Variants in ARHGAP26 observed in about 807,000 individuals in gnomAD.
ARHGAP26 encodes the protein rho GTPase-activating protein 26.
In ARHGAP26, 38 loss-of-function variants were observed where a neutral mutation model predicts 104.8. The observed-to-expected ratio is 0.36, with a 90% CI of 0.28 to 0.48. ARHGAP26 has a LOEUF of 0.48. ARHGAP26 is among the 20% of genes least tolerant of loss of function. The pLI is 0.99. For missense variants in ARHGAP26, 704 were observed against 947.9 expected (o/e 0.74, Z 3.38); for synonymous variants, 341 against 340.0 (o/e 1.00, Z -0.03).
rs1811587725 is a variant in ARHGAP26, at chr5:143,225,485, G to A, written c.*3039G>A. 3 of 202,628 alleles carry A rather than the reference G, an allele frequency of 1.5e-5. No homozygotes were observed. Among genetic ancestry groups the A allele is most frequent in the South Asian group, 1.9e-4 (1 of 5,256 alleles). 12.6% of individuals were successfully genotyped at this position (202,628 alleles called of 1,614,324 possible). A position where few individuals can be genotyped will look rare whatever the true frequency, so the allele number is the denominator to read the frequency against. On this transcript the variant is annotated 3_prime_UTR_variant, in exon 23 of 23. Coordinates refer to ENST00000645722, the MANE Select transcript of ARHGAP26 (RefSeq NM_001135608.3). The stretch of plus-strand genomic sequence containing the variant: ...ATTCCAGGTGTGAGCCGCTGCGGCC[G>A]ACCACATTTGATGTTTGAAGTTGTA...
chr5:142,906,837 A>G (rs1761168559), intron 8 of ARHGAP26, among the ~76,000 whole-genome samples: 1 of 152,228 alleles, frequency 6.6e-6, no homozygotes, highest in Non-Finnish European at 1.5e-5. Flanking sequence ...ACCATTGATA[A>G]TTATTAAACG....
At chr5:143,121,219 GTTGGCTCAGA>G in intron 18 of ARHGAP26, 72 bp downstream of exon 18, 1 of 1,513,384 alleles carries the variant, frequency 6.6e-7, no homozygotes, top group African/African-American at 1.4e-5. Flanking sequence ...GACCTTCAGA[GTTGGCTCAGA>G]TTTGCATTGC....
chr5:143,103,057 T>C (rs559403911), intron 17 of ARHGAP26: 57 of 165,094 alleles, frequency 3.5e-4, no homozygotes, highest in African/African-American at 1.1e-3. Context: ...GTGAAAGATA[T>C]ATGGATTATA....
intron 11 of ARHGAP26, among the ~76,000 whole-genome samples, chr5:143,004,067 A>AGGT (rs370387981): frequency 6.6e-6 from 1 of 151,906 alleles, no homozygotes; most frequent in African/African-American, 2.4e-5. Context: ...ATCAGAAGTA[A>AGGT]GGTACAAAAA....
intron 20 of ARHGAP26, among the ~76,000 whole-genome samples, chr5:143,187,710 T>G (rs1050962128): frequency 6.6e-6 from 1 of 152,232 alleles, no homozygotes; most frequent in Non-Finnish European, 1.5e-5. Flanking sequence ...CCCTCCAACC[T>G]GCAGCTTACC....
chr5:142,865,812 C>A (rs79211537), intron 1 of ARHGAP26, among the ~76,000 whole-genome samples: 2 of 152,152 alleles, frequency 1.3e-5, no homozygotes, highest in African/African-American at 4.8e-5. Flanking sequence ...ACAGGTCCTT[C>A]CATGGTTTGA....
At chr5:142,837,248 C>T (rs1769767639) in intron 1 of ARHGAP26, among the ~76,000 whole-genome samples, 1 of 152,120 alleles carries the variant, frequency 6.6e-6, no homozygotes, top group Admixed American at 6.5e-5. Context: ...GAGAAAGTTT[C>T]CCATTGTATC....
intron 20 of ARHGAP26, among the ~76,000 whole-genome samples, chr5:143,198,354 A>C (rs1449334980): frequency 6.6e-6 from 1 of 152,198 alleles, no homozygotes; most frequent in Non-Finnish European, 1.5e-5. Flanking sequence ...AAATTCACAT[A>C]TTGTGAAATT....
intron 18 of ARHGAP26, 77 bp downstream of exon 18, chr5:143,121,224 C>T (rs1302154417): frequency 1.4e-6 from 2 of 1,471,014 alleles, no homozygotes; most frequent in Non-Finnish European, 1.9e-6. Flanking sequence ...TCAGAGTTGG[C>T]TCAGATTTGC....
chr5:143,114,264 G>C (rs1015541890), intron 17 of ARHGAP26, among the ~76,000 whole-genome samples: 18 of 152,120 alleles, frequency 1.2e-4, no homozygotes, highest in African/African-American at 4.3e-4. Context: ...TGCCACCATT[G>C]GGGCAGTCCT....
chr5:142,832,162 G>A (rs942276057), intron 1 of ARHGAP26, among the ~76,000 whole-genome samples: 10 of 152,314 alleles, frequency 6.6e-5, no homozygotes, highest in Admixed American at 1.3e-4. Context: ...GTGGTCCCCT[G>A]GTGAGTGAAG....
rs910034296 is a variant in ARHGAP26 at position 143,226,220 on chromosome 5, G to A, written c.*3774G>A. ...GCCATGGCCGGGTGCAGTGGCTCAC[G>A]CCTATAATCCCAGCACTTTGGGAGG... On this transcript the variant is annotated 3_prime_UTR_variant, in exon 23 of 23. Transcript: ENST00000645722. 6.7e-5 allele frequency: 12 copies of A among 180,268 alleles called. No individual in the cohort carries two copies. The highest frequency in any genetic ancestry group is 1.3e-4 in the Non-Finnish European group (11 of 84,364). 11.2% of individuals were successfully genotyped at this position (180,268 alleles called of 1,614,324 possible).
chr5:142,869,845 G>T (rs866055180), intron 1 of ARHGAP26, among the ~76,000 whole-genome samples: 2 of 152,168 alleles, frequency 1.3e-5, no homozygotes, highest in African/African-American at 4.8e-5. Flanking sequence ...TCCAAGAAAA[G>T]AAGGGCACTT....
intron 20 of ARHGAP26, among the ~76,000 whole-genome samples, chr5:143,179,608 ACTGGGTGGCCACTCCAGAAGACAT>A (rs1207944213): frequency 6.6e-6 from 1 of 152,186 alleles, no homozygotes; most frequent in Non-Finnish European, 1.5e-5. Flanking sequence ...GCTGCAAGCC[ACTGGGTGGCCACTCCAGAAGACAT>A]CTGGAAGGAG....
At chr5:142,949,134 A>G (rs2152574461) in intron 11 of ARHGAP26, among the ~76,000 whole-genome samples, 1 of 142,784 alleles carries the variant, frequency 7.0e-6, no homozygotes, top group African/African-American at 2.5e-5. Context: ...AAGCACAGAA[A>G]TGTCCTGCTG....
chr5:143,151,200 A>C (rs1799799070), intron 20 of ARHGAP26, among the ~76,000 whole-genome samples: 1 of 152,224 alleles, frequency 6.6e-6, no homozygotes, highest in African/African-American at 2.4e-5. Flanking sequence ...AGGGAAATAC[A>C]AATAAAAACA....
At chr5:142,890,151 A>AAAAAAAAAATATATAT (rs1252590997) in intron 5 of ARHGAP26, among the ~76,000 whole-genome samples, 1 of 32,432 alleles carries the variant, frequency 3.1e-5, no homozygotes, top group Non-Finnish European at 5.5e-5. Context: ...AAAAAAAAAA[A>AAAAAAAAAATATATAT]ATATATATAT....
Position 142,770,606 on chromosome 5 carries a change from C to A in ARHGAP26, c.-156C>A. 1 of 416,506 alleles carries A rather than the reference C, an allele frequency of 2.4e-6. No homozygotes were observed. The highest frequency in any genetic ancestry group is 3.3e-6 in the Non-Finnish European group (1 of 299,128). 25.8% of individuals were successfully genotyped at this position (416,506 alleles called of 1,614,324 possible). On this transcript the variant is annotated 5_prime_UTR_variant, in exon 1 of 23. Coordinates refer to ENST00000645722, the MANE Select transcript of ARHGAP26 (RefSeq NM_001135608.3). Reference sequence around the variant, plus strand: ...GAGCTCGGTTCGGGAGTCTTGCGCGCCGGCGGACACCGCGCGCGGAGTGAG... The same window carrying A: ...GAGCTCGGTTCGGGAGTCTTGCGCGACGGCGGACACCGCGCGCGGAGTGAG...
At chr5:142,928,800 G>C (rs1403718737) in intron 10 of ARHGAP26, among the ~76,000 whole-genome samples, 1 of 152,138 alleles carries the variant, frequency 6.6e-6, no homozygotes, top group African/African-American at 2.4e-5. Context: ...TATACTGCTG[G>C]GTTATAATTA....
Sources: gnomAD v4.1 joint callset for allele counts (sites outside exome capture counted in the v4.1 genomes callset) on GRCh38, gnomAD v4.1.1 for gene constraint, MANE v1.5 for transcripts, NCBI Gene and HGNC (gene_info 2026-07-23, HGNC 2026-07-21) for gene names.